ZMIZ1: variants seen among roughly 807,000 people sequenced by gnomAD.
ZMIZ1 encodes the protein zinc finger MIZ-type containing 1, also known as zinc finger MIZ domain-containing protein 1.
Under a neutral mutation model 113.9 loss-of-function variants are expected in ZMIZ1, and 17 were observed. The ratio of observed to expected loss-of-function variants is 0.15; its 90% confidence interval spans 0.10 to 0.22. ZMIZ1 has a LOEUF of 0.22. Ranked by LOEUF, ZMIZ1 falls within the 10% of genes least tolerant of loss-of-function variation. The pLI is 1.00. For missense variants in ZMIZ1, 1,059 were observed against 1,477.8 expected, an observed-to-expected ratio of 0.72 and a Z score of 4.65; for synonymous variants, 607 against 603.1, an observed-to-expected ratio of 1.01 and a Z score of -0.09.
At chr10:79,179,968 C>T (rs1397422582) in intron 4 of ZMIZ1, among the ~76,000 whole-genome samples, 1 of 152,258 alleles carries the variant, frequency 6.6e-6, no homozygotes, top group East Asian at 1.9e-4. Flanking sequence ...GCCAACGGGG[C>T]AGGCTGGGCC....
At chr10:79,166,665 A>G (rs1846360535) in intron 4 of ZMIZ1, among the ~76,000 whole-genome samples, 2 of 152,226 alleles carry the variant, frequency 1.3e-5, no homozygotes, top group African/African-American at 4.8e-5. Flanking sequence ...AATTCCTGCT[A>G]TAATTAGAAG....
chr10:79,081,700 A>G (rs1842664159), intron 1 of ZMIZ1, among the ~76,000 whole-genome samples: 1 of 152,166 alleles, frequency 6.6e-6, no homozygotes, highest in African/African-American at 2.4e-5. Context: ...ATCTTGCCTA[A>G]GTGTCTACAG....
intron 3 of ZMIZ1, among the ~76,000 whole-genome samples, chr10:79,150,633 G>A (rs1845676260): frequency 6.6e-6 from 1 of 152,202 alleles, no homozygotes; most frequent in African/African-American, 2.4e-5. Context: ...ACAGGGAGAG[G>A]CAGACGCTCT....
At chr10:79,225,518 C>G (rs1246444648) in intron 7 of ZMIZ1, among the ~76,000 whole-genome samples, 1 of 151,704 alleles carries the variant, frequency 6.6e-6, no homozygotes, top group Non-Finnish European at 1.5e-5. Context: ...TCACTTGAGC[C>G]CAGGAGTTTG....
chr10:79,256,987 T>C (rs1850950398), intron 7 of ZMIZ1, among the ~76,000 whole-genome samples: 1 of 152,236 alleles, frequency 6.6e-6, no homozygotes, highest in South Asian at 2.1e-4. Flanking sequence ...GGCTTCTATG[T>C]GAGTGCTTCT....
intron 5 of ZMIZ1, 59 bp from the exon 6 acceptor site, chr10:79,208,277 C>A: frequency 6.6e-7 from 1 of 1,503,766 alleles, no homozygotes; most frequent in Non-Finnish European, 9.2e-7. Context: ...GACCCCCACA[C>A]GCTGCCTGTG....
At chr10:79,092,602 G>A (rs1843019697) in intron 1 of ZMIZ1, among the ~76,000 whole-genome samples, 3 of 152,162 alleles carry the variant, frequency 2.0e-5, no homozygotes, top group African/African-American at 4.8e-5. Flanking sequence ...TTGGAACCTC[G>A]GCCAAGAGGT....
intron 5 of ZMIZ1, among the ~76,000 whole-genome samples, chr10:79,202,056 C>CAAAAAA (rs55985942): frequency 1.4e-5 from 1 of 71,924 alleles, no homozygotes; most frequent in Non-Finnish European, 2.6e-5. Flanking sequence ...CAGTCGTTCT[C>CAAAAAA]AAAAAAAAAA....
chr10:79,268,636 G>A (rs1198883788), intron 7 of ZMIZ1, among the ~76,000 whole-genome samples: 2 of 152,248 alleles, frequency 1.3e-5, no homozygotes, highest in Admixed American at 1.3e-4. Context: ...TCCGATCGTG[G>A]CCCCAGGGGC....
chr10:79,132,139 G>A (rs557968522), intron 2 of ZMIZ1, among the ~76,000 whole-genome samples: 119 of 152,290 alleles, frequency 7.8e-4, no homozygotes, highest in African/African-American at 2.7e-3. Flanking sequence ...TCACTGCCAC[G>A]TGCACGAGCT....
chr10:79,155,923 G>T (rs888075901), intron 3 of ZMIZ1, among the ~76,000 whole-genome samples: 2 of 152,200 alleles, frequency 1.3e-5, no homozygotes, highest in Non-Finnish European at 2.9e-5. Context: ...AGCTGGGCTG[G>T]CCCGCCAGCA....
chr10:79,231,939 T>G (rs1031807056), intron 7 of ZMIZ1, among the ~76,000 whole-genome samples: 2 of 152,252 alleles, frequency 1.3e-5, no homozygotes, highest in African/African-American at 4.8e-5. Context: ...AGACTGAGGC[T>G]GGCTCTTGGG....
intron 4 of ZMIZ1, among the ~76,000 whole-genome samples, chr10:79,178,515 G>A (rs1367712259): frequency 6.6e-6 from 1 of 152,188 alleles, no homozygotes; most frequent in East Asian, 1.9e-4. Context: ...GGGCGGGGGT[G>A]AAGGAGGTCC....
At chr10:79,113,651 C>A (rs375356442) in intron 1 of ZMIZ1, among the ~76,000 whole-genome samples, 1 of 152,220 alleles carries the variant, frequency 6.6e-6, no homozygotes, top group Non-Finnish European at 1.5e-5. Flanking sequence ...ATTCTATTCC[C>A]TTTTTCTAGA....
At chr10:79,259,596 G>T (rs1851133758) in intron 7 of ZMIZ1, among the ~76,000 whole-genome samples, 1 of 151,782 alleles carries the variant, frequency 6.6e-6, no homozygotes, top group Non-Finnish European at 1.5e-5. Context: ...CCCAGATCAT[G>T]AAGATATTCT....
chr10:79,311,148 G>A lies in ZMIZ1; in HGVS notation c.3060G>A (p.Ala1020=), dbSNP rs367798963. 24 of 1,613,308 alleles carry A rather than the reference G, an allele frequency of 1.5e-5. No homozygotes were observed. The highest frequency in any genetic ancestry group is 1.3e-4 in the South Asian group (12 of 91,080). Residue 1020 remains alanine, a synonymous_variant, in exon 24 of 25, where the codon GCG becomes GCA. Transcript: ENST00000334512. ...PSSALEGQAG[A]QGASDMPEPS... ...CAGCCTTAGAGGGTCAGGCCGGAGC[G>A]CAGGGAGCGTCCGACATGCCGGAGC...
chr10:79,103,002 C>G (rs1394794884), intron 1 of ZMIZ1, among the ~76,000 whole-genome samples: 3 of 152,148 alleles, frequency 2.0e-5, no homozygotes, highest in African/African-American at 4.8e-5. Context: ...CACAGAAGGA[C>G]AGTAATCAGC....
In ZMIZ1 at chr10:79,225,461, G is replaced by T. The variant is rs190823502; in HGVS notation, c.280+9187G>T. Among the ~76,000 whole-genome samples, 247 of 152,174 alleles carry T rather than the reference G, an allele frequency of 1.6e-3. 1 individual carries two copies. The highest frequency in any genetic ancestry group is 2.1e-3 in the Admixed American group (32 of 15,276). ...AAGGGAGGTGATGGCCGGGTGCAGT[G>T]GCTCACCCCTGTAATCCTAGCATTT... On this transcript the variant is annotated intron_variant, in intron 7 of 24. Transcript: ENST00000334512.
intron 2 of ZMIZ1, among the ~76,000 whole-genome samples, chr10:79,129,932 TC>T (rs1844682090): frequency 5.9e-5 from 9 of 152,184 alleles, no homozygotes; most frequent in Admixed American, 5.9e-4. Context: ...AGATAGGGCT[TC>T]CTGGGGGAGG....
Sources: allele counts gnomAD v4.1 joint callset (sites outside exome capture counted in the v4.1 genomes callset), GRCh38; gene constraint gnomAD v4.1.1; transcripts MANE v1.5; gene names NCBI Gene and HGNC (gene_info 2026-07-23, HGNC 2026-07-21).